PTPRN2: variants seen among roughly 807,000 people sequenced by gnomAD.
PTPRN2 encodes the protein protein tyrosine phosphatase receptor type N2.
Under a neutral mutation model 118.8 loss-of-function variants are expected in PTPRN2, and 74 were observed. The observed-to-expected ratio is 0.62, with a 90% CI of 0.52 to 0.76. The LOEUF is 0.76. Among genes scored for constraint, PTPRN2 ranks in the 30% least tolerant of loss-of-function variants. The pLI is 0.00. For missense variants in PTPRN2, 1,481 were observed against 1,394.4 expected, an observed-to-expected ratio of 1.06 and a Z score of -0.99; for synonymous variants, 641 against 608.0, an observed-to-expected ratio of 1.05 and a Z score of -0.80.
intron 22 of PTPRN2, among the ~76,000 whole-genome samples, chr7:157,547,955 T>G (rs543010320): frequency 1.3e-5 from 2 of 151,262 alleles, no homozygotes; most frequent in African/African-American, 2.5e-5. Flanking sequence ...GGGGGGCGCG[T>G]AGGGCATCGC....
intron 1 of PTPRN2, among the ~76,000 whole-genome samples, chr7:158,511,639 C>T (rs531521136): frequency 2.0e-5 from 3 of 152,314 alleles, no homozygotes; most frequent in East Asian, 1.9e-4. Context: ...CTCACACAAT[C>T]GCACACATCA....
At chr7:157,724,330 T>C (rs1013855533) in intron 12 of PTPRN2, among the ~76,000 whole-genome samples, 5 of 152,238 alleles carry the variant, frequency 3.3e-5, no homozygotes, top group Non-Finnish European at 7.3e-5. Context: ...AAAACAGGAA[T>C]TACGAACATA....
At chr7:157,981,974 G>C (rs1803195354) in intron 11 of PTPRN2, among the ~76,000 whole-genome samples, 1 of 151,628 alleles carries the variant, frequency 6.6e-6, no homozygotes, top group African/African-American at 2.4e-5. Flanking sequence ...CAGAGTGCAG[G>C]GTACCGCCCA....
chr7:158,381,838 A>G (rs1810985849), intron 2 of PTPRN2, among the ~76,000 whole-genome samples: 1 of 152,198 alleles, frequency 6.6e-6, no homozygotes, highest in African/African-American at 2.4e-5. Flanking sequence ...GATGTCTTAC[A>G]TGGCAGCAGG....
intron 5 of PTPRN2, among the ~76,000 whole-genome samples, chr7:158,175,310 C>T (rs369382821): frequency 5.3e-5 from 8 of 152,330 alleles, no homozygotes; most frequent in African/African-American, 1.7e-4. Flanking sequence ...GCACCGGATG[C>T]GGCCAGGTTT....
intron 2 of PTPRN2, among the ~76,000 whole-genome samples, chr7:158,430,374 C>T (rs1414074145): frequency 1.3e-5 from 2 of 152,234 alleles, no homozygotes; most frequent in Admixed American, 1.3e-4. Flanking sequence ...ACCCGGAAGT[C>T]GGTACCACTT....
rs202101796 is a variant in PTPRN2, at chr7:158,053,825, G to C, written c.1723+27473C>G. Among the ~76,000 whole-genome samples, 15 of 150,024 alleles carry C rather than the reference G, an allele frequency of 1.0e-4. No homozygotes were observed. The East Asian group carries it at 2.7e-3, about 27-fold the overall frequency. ...AGACTCCAGAGAGGCAGAGACCCCA[G>C]AGATGCAGAGACCCCAGAGACGCAG... On this transcript the variant is annotated intron_variant, in intron 11 of 22. Transcript: ENST00000389418.
At chr7:158,138,590 G>T (rs1328816148) in intron 6 of PTPRN2, 75 bp from the exon 7 acceptor site, 15 of 1,424,276 alleles carry the variant, frequency 1.1e-5, no homozygotes, top group African/African-American at 1.4e-5. Flanking sequence ...GACCATAGGG[G>T]TGTGGTGGGC....
At chr7:157,954,736 G>T (rs1801076681) in intron 11 of PTPRN2, among the ~76,000 whole-genome samples, 1 of 152,190 alleles carries the variant, frequency 6.6e-6, no homozygotes, top group Non-Finnish European at 1.5e-5. Flanking sequence ...CTTTTCAGGG[G>T]TGGAAGTGGG....
Position 158,263,565 on chromosome 7 carries a change from G to A in PTPRN2, c.277+53254C>T, listed in dbSNP as rs372373459. ...TTGCTCTGGAGGACTTTGCCCCACC[G>A]TTGTTTGTGTATTTCCCATCGCTCT... is the stretch of plus-strand genomic sequence containing the variant. On this transcript the variant is annotated intron_variant, in intron 3 of 22. Coordinates refer to ENST00000389418, the MANE Select transcript of PTPRN2 (RefSeq NM_002847.5). Among the ~76,000 whole-genome samples the A allele has an allele frequency of 1.1e-4, 16 of 152,336 alleles. No homozygotes were observed. In the East Asian group the frequency reaches 1.9e-3, roughly 18 times the overall value.
intron 11 of PTPRN2, among the ~76,000 whole-genome samples, chr7:158,063,371 C>A (rs2128908846): frequency 6.6e-6 from 1 of 152,288 alleles, no homozygotes; most frequent in South Asian, 2.1e-4. Context: ...ATTGTAAATG[C>A]ACCAATCAGC....
chr7:157,966,182 CTGG>C (rs1466398035), intron 11 of PTPRN2, among the ~76,000 whole-genome samples: 9 of 152,092 alleles, frequency 5.9e-5, no homozygotes, highest in Non-Finnish European at 2.9e-5. Flanking sequence ...ATGTTCTAGG[CTGG>C]TGTTTTATTA....
intron 12 of PTPRN2, among the ~76,000 whole-genome samples, chr7:157,756,599 C>T (rs1801794761): frequency 6.6e-6 from 1 of 152,178 alleles, no homozygotes; most frequent in Non-Finnish European, 1.5e-5. Context: ...AGCTCAGCCT[C>T]CTGTTTTGTG....
chr7:158,276,264 T>C (rs10233452), intron 3 of PTPRN2, among the ~76,000 whole-genome samples: 426 of 15,466 alleles, frequency 0.028, 30 homozygotes, highest in African/African-American at 0.051. Context: ...ACCCCCACAC[T>C]CTGGCCCCAA....
intron 14 of PTPRN2, among the ~76,000 whole-genome samples, chr7:157,650,164 C>T (rs1483369188): frequency 6.6e-6 from 1 of 152,198 alleles, no homozygotes; most frequent in Non-Finnish European, 1.5e-5. Flanking sequence ...CTTTCCCCTT[C>T]CCTGCTGGTT....
intron 2 of PTPRN2, among the ~76,000 whole-genome samples, chr7:158,332,537 A>G (rs1287810668): frequency 6.7e-6 from 1 of 149,486 alleles, no homozygotes; most frequent in East Asian, 2.0e-4. Context: ...GGTCACTCAC[A>G]TCCATACTCT....
chr7:158,396,706 A>G (rs929277297), intron 2 of PTPRN2, among the ~76,000 whole-genome samples: 1 of 152,108 alleles, frequency 6.6e-6, no homozygotes, highest in African/African-American at 2.4e-5. Flanking sequence ...GTGTGTGCAC[A>G]TGTGTGCATG....
chr7:157,679,466 G>C (rs1467843426), intron 13 of PTPRN2, among the ~76,000 whole-genome samples: 6 of 152,098 alleles, frequency 3.9e-5, no homozygotes. Context: ...CAATAGGTAA[G>C]GCAAACAAAA....
At chr7:158,238,400 C>T (rs752394294) in intron 3 of PTPRN2, among the ~76,000 whole-genome samples, 5 of 152,116 alleles carry the variant, frequency 3.3e-5, no homozygotes, top group South Asian at 4.2e-4. Context: ...GCAGGCGAGA[C>T]GCGGGGCACA....
Sources: allele counts gnomAD v4.1 joint callset (sites outside exome capture counted in the v4.1 genomes callset), GRCh38; gene constraint gnomAD v4.1.1; transcripts MANE v1.5; gene names NCBI Gene and HGNC (gene_info 2026-07-23, HGNC 2026-07-21).